DNAH11: variants seen among roughly 807,000 people sequenced by gnomAD.
DNAH11 encodes axonemal beta dynein heavy chain 11.
In DNAH11, 442 loss-of-function variants were observed where a neutral mutation model predicts 526.0. The ratio of observed to expected loss-of-function variants is 0.84; its 90% CI spans 0.78 to 0.91. The LOEUF (loss-of-function observed/expected upper bound fraction) is 0.91, where lower values mean the gene tolerates loss of function less well. DNAH11 is among the 40% of genes least tolerant of loss of function. The pLI, the probability that DNAH11 is intolerant of heterozygous loss-of-function variation, is 0.00. For synonymous variants in DNAH11, 2,461 were observed against 1,935.9 expected, an observed-to-expected ratio of 1.27 and a Z score of -7.12; for missense variants, 6,989 against 5,448.7, an observed-to-expected ratio of 1.28 and a Z score of -8.90.
intron 29 of DNAH11, among the ~76,000 whole-genome samples, chr7:21,657,696 T>A (rs962538041): frequency 3.9e-5 from 6 of 152,148 alleles, no homozygotes; most frequent in Non-Finnish European, 5.9e-5. Flanking sequence ...CCAGACCCCA[T>A]TGGTTAGATC....
Position 21,698,075 on chromosome 7 carries a change from ACCCTGTG to A in DNAH11, c.6045_6051del (p.Cys2016TrpfsTer8), listed in dbSNP as rs777545829. ...ACTAAAATTCTTATTTACTTTTTAG[ACCCTGTG>A]CCATGGTGGCCCCTGACATTGAGCT... On this transcript the variant is annotated frameshift_variant and splice_region_variant, in exon 36 of 82. Transcript: ENST00000409508. LOFTEE classifies it high-confidence loss of function. 6.2e-7 allele frequency: 1 copy of A among 1,609,158 alleles called. No homozygotes were observed.
At position 21,632,722 on chromosome 7, in the gene DNAH11, G is replaced by A. The variant is rs529720867; in HGVS notation, c.4501-3149G>A. 5.3e-5 allele frequency among the ~76,000 whole-genome samples: 8 copies of A among 152,278 alleles called. 1 individual carries two copies. Among genetic ancestry groups the A allele is most frequent in the African/African-American group, 1.9e-4 (8 of 41,550 alleles). On this transcript the variant is annotated intron_variant, in intron 25 of 81. Coordinates refer to ENST00000409508, the MANE Select transcript of DNAH11 (RefSeq NM_001277115.2). ...TGTCATTATCAGCATTTGGGTCAAA[G>A]CCATTCAAGTCTCTAGGGAGTTCCA... is the stretch of plus-strand genomic sequence containing the variant.
At chr7:21,556,600 G>T (rs1006105003) in intron 2 of DNAH11, among the ~76,000 whole-genome samples, 2 of 152,126 alleles carry the variant, frequency 1.3e-5, no homozygotes, top group Non-Finnish European at 2.9e-5. Context: ...ATGGGAGTTT[G>T]GTATACAGAG....
At chr7:21,798,429 C>T (rs113097766) in intron 61 of DNAH11, among the ~76,000 whole-genome samples, 1 of 152,208 alleles carries the variant, frequency 6.6e-6, no homozygotes, top group African/African-American at 2.4e-5. Flanking sequence ...AAGATGGATA[C>T]TCTTAACTAT....
At chr7:21,625,761 G>C (rs920782319) in intron 25 of DNAH11, among the ~76,000 whole-genome samples, 6 of 151,934 alleles carry the variant, frequency 3.9e-5, no homozygotes, top group African/African-American at 1.2e-4. Flanking sequence ...TGACCCATTG[G>C]TTGTTTGGGA....
At chr7:21,618,417 C>G (rs190887838) in intron 23 of DNAH11, 1 of 152,506 alleles carries the variant, frequency 6.6e-6, no homozygotes, top group Non-Finnish European at 1.5e-5. Flanking sequence ...AATGGCTTTC[C>G]TGCAACCCAT....
At chr7:21,603,972 A>T (rs1381843940) in intron 18 of DNAH11, among the ~76,000 whole-genome samples, 1 of 152,186 alleles carries the variant, frequency 6.6e-6, no homozygotes, top group Non-Finnish European at 1.5e-5. Flanking sequence ...GCTGTGTATC[A>T]GTAATTTAGA....
intron 45 of DNAH11, among the ~76,000 whole-genome samples, chr7:21,732,463 G>T (rs1413232953): frequency 6.6e-6 from 1 of 151,918 alleles, no homozygotes; most frequent in Admixed American, 6.6e-5. Context: ...AATGTTGGGG[G>T]GACACAATAT....
chr7:21,588,718 T>C (rs967611374), intron 11 of DNAH11, 82 bp downstream of exon 11: 12 of 1,505,856 alleles, frequency 8.0e-6, no homozygotes, highest in Non-Finnish European at 1.0e-5. Context: ...CTGTTCATAT[T>C]AGCACTTAGG....
At chr7:21,692,694 G>GTCTACATA (rs1783684350) in intron 35 of DNAH11, among the ~76,000 whole-genome samples, 1 of 152,162 alleles carries the variant, frequency 6.6e-6, no homozygotes, top group African/African-American at 2.4e-5. Flanking sequence ...ATCTATGGCT[G>GTCTACATA]GAATTGCTAG....
At chr7:21,812,788 G>C (rs2127998674) in intron 63 of DNAH11, among the ~76,000 whole-genome samples, 1 of 152,268 alleles carries the variant, frequency 6.6e-6, no homozygotes, top group Non-Finnish European at 1.5e-5. Context: ...AATCATGTGA[G>C]AGGGAACTTT....
intron 61 of DNAH11, among the ~76,000 whole-genome samples, chr7:21,789,546 G>A (rs182311394): frequency 1.1e-3 from 171 of 152,172 alleles, no homozygotes; most frequent in African/African-American, 3.9e-3. Flanking sequence ...AAGTGCAAAT[G>A]TTCATGGTTT....
At chr7:21,613,318 A>T (rs180885453) in intron 20 of DNAH11, among the ~76,000 whole-genome samples, 1 of 151,998 alleles carries the variant, frequency 6.6e-6, no homozygotes, top group East Asian at 1.9e-4. Flanking sequence ...TATTAAATAA[A>T]AAGGTAGGTT....
intron 20 of DNAH11, among the ~76,000 whole-genome samples, chr7:21,609,517 G>A (rs958427143): frequency 1.3e-5 from 2 of 152,120 alleles, no homozygotes; most frequent in Admixed American, 6.5e-5. Flanking sequence ...ACTGTGCCCG[G>A]CCATAACTGG....
At chr7:21,899,558 A>AAGC in intron 80 of DNAH11, 110 bp downstream of exon 80, 2 of 834,880 alleles carry the variant, frequency 2.4e-6, no homozygotes, top group Non-Finnish European at 3.8e-6. Flanking sequence ...ACCAATCCTC[A>AAGC]AGCAGCAGCC....
intron 65 of DNAH11, among the ~76,000 whole-genome samples, chr7:21,832,841 G>A (rs1001947593): frequency 2.0e-5 from 3 of 152,258 alleles, no homozygotes; most frequent in East Asian, 1.9e-4. Flanking sequence ...GACGCACAAA[G>A]CCTAAAATAT....
At chr7:21,678,865 A>G (rs1270752270) in intron 30 of DNAH11, among the ~76,000 whole-genome samples, 1 of 152,206 alleles carries the variant, frequency 6.6e-6, no homozygotes, top group Non-Finnish European at 1.5e-5. Context: ...TGATCCAGCA[A>G]TCTCACTTCT....
At chr7:21,898,375 T>C (rs1461944123) in intron 79 of DNAH11, among the ~76,000 whole-genome samples, 3 of 152,194 alleles carry the variant, frequency 2.0e-5, no homozygotes, top group Non-Finnish European at 4.4e-5. Context: ...CTGAGCCTTT[T>C]CTTCTTCACG....
intron 65 of DNAH11, among the ~76,000 whole-genome samples, chr7:21,831,092 T>C (rs1790532992): frequency 6.6e-6 from 1 of 152,200 alleles, no homozygotes; most frequent in Non-Finnish European, 1.5e-5. Context: ...AATTTGTTCC[T>C]GTGGGGAGTG....
Sources: allele counts gnomAD v4.1 joint callset (sites outside exome capture counted in the v4.1 genomes callset), GRCh38; gene constraint gnomAD v4.1.1; transcripts MANE v1.5; gene names NCBI Gene and HGNC (gene_info 2026-07-23, HGNC 2026-07-21).